The following TRDN variants were observed in gnomAD, a reference collection of about 807,000 sequenced individuals.
TRDN encodes the protein triadin in skeletal muscle.
In TRDN, 161 loss-of-function variants were observed where a neutral mutation model predicts 149.7. The ratio of observed to expected loss-of-function variants is 1.08; its 90% CI spans 0.95 to 1.23. The LOEUF (loss-of-function observed/expected upper bound fraction) is 1.23. TRDN is among the 50% of genes most tolerant of loss of function. TRDN has a pLI of 0.00. For synonymous variants in TRDN, 294 were observed against 250.5 expected (o/e 1.17, Z -1.64); for missense variants, 896 against 823.5 (o/e 1.09, Z -1.08).
chr6:123,304,613 T>A (rs1778544349), intron 24 of TRDN, among the ~76,000 whole-genome samples: 1 of 152,146 alleles, frequency 6.6e-6, no homozygotes, highest in Non-Finnish European at 1.5e-5. Context: ...GTTTTTTTTA[T>A]AAACATGTTT....
chr6:123,509,124 A>T (rs1249017406), intron 7 of TRDN, among the ~76,000 whole-genome samples: 1 of 152,076 alleles, frequency 6.6e-6, no homozygotes, highest in Non-Finnish European at 1.5e-5. Flanking sequence ...AAACAGGCAC[A>T]TATATACTTA....
chr6:123,542,982 T>C (rs1004749732), intron 4 of TRDN, among the ~76,000 whole-genome samples: 1 of 151,954 alleles, frequency 6.6e-6, no homozygotes, highest in African/African-American at 2.4e-5. Context: ...TTCTAAAAAA[T>C]AGATATCATT....
intron 1 of TRDN, among the ~76,000 whole-genome samples, chr6:123,595,161 A>G (rs1031781121): frequency 2.6e-5 from 4 of 152,168 alleles, no homozygotes; most frequent in African/African-American, 9.6e-5. Context: ...ATAATCTATA[A>G]CATCTAAGTC....
chr6:123,544,907 C>T (rs1383582412), intron 4 of TRDN, among the ~76,000 whole-genome samples: 1 of 152,056 alleles, frequency 6.6e-6, no homozygotes, highest in African/African-American at 2.4e-5. Context: ...ATAATCAATA[C>T]TGCAACCCTG....
chr6:123,343,426 G>A (rs1163851399), intron 21 of TRDN, among the ~76,000 whole-genome samples: 1 of 151,652 alleles, frequency 6.6e-6, no homozygotes, highest in African/African-American at 2.4e-5. Context: ...TCATTATAGT[G>A]TAACTGTTCA....
intron 30 of TRDN, 148 bp downstream of exon 30, chr6:123,270,991 G>A: frequency 2.5e-6 from 1 of 406,390 alleles, no homozygotes. Flanking sequence ...CAAGAATTCA[G>A]AATGTTAGAA....
At chr6:123,236,727 T>C (rs1429607149) in intron 38 of TRDN, among the ~76,000 whole-genome samples, 4 of 152,136 alleles carry the variant, frequency 2.6e-5, no homozygotes, top group African/African-American at 9.7e-5. Context: ...CTTCGGAACT[T>C]TTATTACAAA....
Position 123,327,619 on chromosome 6 carries a change from A to C in TRDN, c.1471+4260T>G, listed in dbSNP as rs548707917. Among the ~76,000 whole-genome samples, 5 of 152,210 alleles carry C rather than the reference A, an allele frequency of 3.3e-5. 1 individual carries two copies. In the South Asian group the frequency reaches 8.3e-4, roughly 25 times the overall value. ...GTGAATAGGGTACCCTGAACGAATA[A>C]ATTTTTGAATTATTCATCACTTATG... is the stretch of plus-strand genomic sequence containing the variant. On this transcript the variant is annotated intron_variant, in intron 23 of 40. Transcript: ENST00000334268.
Position 123,255,103 on chromosome 6 carries a change from A to T in TRDN, c.1929T>A (p.Leu643=). The part of the protein sequence containing the change: ...EEKVSTRKES[L]QLHNVTKAEK... ...TACCTTTTGTCACATTGTGTAATTG[A>T]AGACTTTCTTTTCTTGTTGAGACTG... The change falls in exon 37 of 41, where the codon CTT becomes CTA. Residue 643 remains leucine, a synonymous_variant. Coordinates refer to ENST00000334268, the MANE Select transcript of TRDN (RefSeq NM_006073.4). 1 of 1,380,146 alleles carries T rather than the reference A, an allele frequency of 7.2e-7. No homozygotes were observed. The highest frequency in any genetic ancestry group is 9.8e-7 in the Non-Finnish European group (1 of 1,016,144). 85.5% of individuals were successfully genotyped at this position (1,380,146 alleles called of 1,614,324 possible). A position where few individuals can be genotyped will look rare whatever the true frequency, so the allele number is the denominator to read the frequency against.
chr6:123,461,692 G>A lies in TRDN; in HGVS notation c.931+3214C>T, dbSNP rs181944318. ...GGGAAGAGGGCGGGCAACATTGCCT[G>A]AAGTTGTTCTGTTTAACCGCTGAGG... is the stretch of plus-strand genomic sequence containing the variant. On this transcript the variant is annotated intron_variant, in intron 10 of 40. Transcript: ENST00000334268. Among the ~76,000 whole-genome samples the A allele has an allele frequency of 4.3e-4, 66 of 152,314 alleles. No homozygotes were observed. The East Asian group carries it at 0.012, about 28-fold the overall frequency.
At chr6:123,237,503 C>G (rs1460172060) in intron 38 of TRDN, among the ~76,000 whole-genome samples, 2 of 152,182 alleles carry the variant, frequency 1.3e-5, no homozygotes, top group Non-Finnish European at 2.9e-5. Flanking sequence ...CCGCCTCAGC[C>G]TCCCAAACTG....
At chr6:123,563,415 C>A (rs188049623) in intron 2 of TRDN, among the ~76,000 whole-genome samples, 25 of 152,276 alleles carry the variant, frequency 1.6e-4, no homozygotes, top group Admixed American at 9.2e-4. Context: ...ATTAGGGCAT[C>A]ATATTGTACT....
intron 12 of TRDN, among the ~76,000 whole-genome samples, chr6:123,411,091 G>A (rs942794263): frequency 7.3e-5 from 11 of 150,494 alleles, no homozygotes; most frequent in South Asian, 6.3e-4. Flanking sequence ...CTGTTGCCCA[G>A]GCTGGAGTGC....
intron 1 of TRDN, among the ~76,000 whole-genome samples, chr6:123,630,919 G>A (rs1217563392): frequency 2.0e-5 from 3 of 151,784 alleles, no homozygotes; most frequent in African/African-American, 7.3e-5. Flanking sequence ...CCCTTCTTTT[G>A]AGGCCCCATC....
intron 8 of TRDN, among the ~76,000 whole-genome samples, chr6:123,497,806 A>G (rs996180373): frequency 6.6e-6 from 1 of 152,164 alleles, no homozygotes; most frequent in African/African-American, 2.4e-5. Flanking sequence ...AGAGTAAATC[A>G]AGAACAGAGT....
At chr6:123,519,339 C>T (rs539943529) in intron 5 of TRDN, among the ~76,000 whole-genome samples, 1 of 152,168 alleles carries the variant, frequency 6.6e-6, no homozygotes, top group South Asian at 2.1e-4. Context: ...GCACATCTCT[C>T]ACCCTCCCAT....
intron 6 of TRDN, among the ~76,000 whole-genome samples, chr6:123,512,784 T>C (rs1198123827): frequency 6.6e-6 from 1 of 152,158 alleles, no homozygotes; most frequent in Non-Finnish European, 1.5e-5. Flanking sequence ...ATACTATTTT[T>C]TCAAGAATAA....
chr6:123,549,496 A>G (rs1324314418), intron 2 of TRDN, among the ~76,000 whole-genome samples: 1 of 152,008 alleles, frequency 6.6e-6, no homozygotes, highest in East Asian at 1.9e-4. Context: ...TTTAAAAACT[A>G]TTTTAGCTTT....
chr6:123,293,788 A>C (rs1308635950), intron 24 of TRDN, among the ~76,000 whole-genome samples: 1 of 149,324 alleles, frequency 6.7e-6, no homozygotes, highest in African/African-American at 2.4e-5. Context: ...TTGTCTTAGG[A>C]GTAGCTTTCC....
Sources: allele counts gnomAD v4.1 joint callset (sites outside exome capture counted in the v4.1 genomes callset), GRCh38; gene constraint gnomAD v4.1.1; transcripts MANE v1.5; gene names NCBI Gene and HGNC (gene_info 2026-07-23, HGNC 2026-07-21).